The following TMED8 variants were observed in gnomAD, a reference collection of about 807,000 sequenced individuals.
TMED8 encodes transmembrane p24 trafficking protein family member 8.
Under a neutral mutation model 32.7 loss-of-function variants are expected in TMED8, and 15 were observed. That is an observed-to-expected ratio of 0.46 (90% CI 0.31 to 0.71). TMED8 has a LOEUF of 0.71. TMED8 is among the 30% of genes least tolerant of loss of function. TMED8 has a pLI of 0.06. For missense variants in TMED8, 390 were observed against 423.9 expected (o/e 0.92, Z 0.70); for synonymous variants, 147 against 161.4 (o/e 0.91, Z 0.68).
chr14:77,342,670 C>T (rs747554277), intron 5 of TMED8, among the ~76,000 whole-genome samples: 10 of 152,248 alleles, frequency 6.6e-5, no homozygotes, highest in African/African-American at 1.4e-4. Context: ...AAATAACAGC[C>T]GGAATGGAGC....
intron 1 of TMED8, among the ~76,000 whole-genome samples, chr14:77,361,968 T>C (rs1893448092): frequency 6.6e-6 from 1 of 152,220 alleles, no homozygotes; most frequent in Non-Finnish European, 1.5e-5. Context: ...TTATTAAGTA[T>C]TCTTTATGCT....
chr14:77,346,979 CATTGTT>C (rs1013365792), intron 2 of TMED8, among the ~76,000 whole-genome samples: 2 of 152,002 alleles, frequency 1.3e-5, no homozygotes, highest in Non-Finnish European at 2.9e-5. Context: ...TTCAAGTATA[CATTGTT>C]ATTAACTATT....
rs1372158193 is a variant in TMED8 at position 77,346,293 on chromosome 14, T to A, written c.327+56A>T. ...CTTTCTAATTCCAACCCAACCACTA[T>A]GTGTCCACATTCTGGTGCCTCCTTT... On this transcript the variant is annotated intron_variant, in intron 3 of 5. Transcript: ENST00000216468. The A allele has an allele frequency of 1.9e-6, 3 of 1,590,698 alleles. No homozygotes were observed. In the East Asian group the frequency reaches 6.7e-5, roughly 36 times the overall value.
intron 1 of TMED8, among the ~76,000 whole-genome samples, chr14:77,372,910 A>G (rs1324240630): frequency 1.0e-4 from 1 of 9,922 alleles, no homozygotes; most frequent in African/African-American, 5.3e-4. Flanking sequence ...CAGATATTAT[A>G]TATATATATA....
Position 77,377,094 on chromosome 14 carries a change from T to G in TMED8, c.-41A>C. 1 of 1,275,610 alleles carries G rather than the reference T, an allele frequency of 7.8e-7. No individual in the cohort carries two copies. The highest frequency in any genetic ancestry group is 1.0e-6 in the Non-Finnish European group (1 of 987,576). 79.0% of individuals were successfully genotyped at this position (1,275,610 alleles called of 1,614,324 possible). Reference sequence around the variant, plus strand: ...GGAGCTCTCCGCTGCCAGCCGCGAGTGGCTCCGGAAACAGCCGAAGGCCGA... The same window carrying G: ...GGAGCTCTCCGCTGCCAGCCGCGAGGGGCTCCGGAAACAGCCGAAGGCCGA... On this transcript the variant is annotated 5_prime_UTR_variant, in exon 1 of 6. Transcript: ENST00000216468.
chr14:77,345,382 A>G (rs1280049067), intron 3 of TMED8, among the ~76,000 whole-genome samples: 1 of 152,186 alleles, frequency 6.6e-6, no homozygotes, highest in East Asian at 1.9e-4. Flanking sequence ...ATGCTTGTAA[A>G]CTGTAAAGTA....
At chr14:77,353,228 A>G (rs1893218291) in intron 1 of TMED8, among the ~76,000 whole-genome samples, 1 of 152,190 alleles carries the variant, frequency 6.6e-6, no homozygotes, top group African/African-American at 2.4e-5. Flanking sequence ...ACAGCCCCTC[A>G]TTAAACTCCC....
chr14:77,375,225 AT>A (rs1893784716), intron 1 of TMED8, among the ~76,000 whole-genome samples: 1 of 152,130 alleles, frequency 6.6e-6, no homozygotes, highest in Non-Finnish European at 1.5e-5. Flanking sequence ...CCTACATGAC[AT>A]TAAAAAAAAA....
At chr14:77,346,798 CTTTTA>C (rs1385811620) in intron 2 of TMED8, among the ~76,000 whole-genome samples, 13 of 35,584 alleles carry the variant, frequency 3.7e-4, no homozygotes, top group South Asian at 2.1e-3. Flanking sequence ...ATTGTTGTTT[CTTTTA>C]TTTATTTATT....
chr14:77,345,608 C>T (rs946891761), intron 3 of TMED8, among the ~76,000 whole-genome samples: 3 of 144,184 alleles, frequency 2.1e-5, no homozygotes, highest in African/African-American at 5.1e-5. Flanking sequence ...TGCAGTGAGC[C>T]ATGACTGCAC....
chr14:77,345,934 A>G (rs1039563797), intron 3 of TMED8, among the ~76,000 whole-genome samples: 1 of 140,590 alleles, frequency 7.1e-6, no homozygotes, highest in South Asian at 2.4e-4. Context: ...GTGCCACTGC[A>G]CTCCAGCCTG....
chr14:77,343,277 A>G lies in TMED8; in HGVS notation c.661T>C (p.Phe221Leu). The G allele has an allele frequency of 6.2e-7, 1 of 1,614,160 alleles. No individual in the cohort carries two copies. Among genetic ancestry groups the G allele is most frequent in the South Asian group, 1.1e-5 (1 of 91,074 alleles). ...GTGCTAGTTACAGGGGTCCAGTCAA[A>G]ATAAACTCCAAAGCCAATGTCATAG... is the stretch of plus-strand genomic sequence containing the variant. ...DDYDIGFGVY[F>L]DWTPVTSTDI... is the part of the protein sequence containing the mutation. Residue 221 changes from phenylalanine to leucine, a missense_variant, in exon 5 of 6, where the codon TTT (phenylalanine) becomes CTT (leucine). Physicochemically the swap from Phe to Leu is conservative, Grantham distance 22. Transcript: ENST00000216468.
rs1486447024 is a variant in TMED8 at position 77,376,523 on chromosome 14, T to C, written c.118+413A>G. ...GTAAGGCTGGGGCAGGGGACTGAGA[T>C]GGGGATAGGGTGGGGAGCCAGAAGC... On this transcript the variant is annotated intron_variant, in intron 1 of 5. Coordinates refer to ENST00000216468, the MANE Select transcript of TMED8 (RefSeq NM_213601.3). This position sits in a 1 kb window ranked among gnomAD's most constrained non-coding sequence, Gnocchi z 4.0. Among the ~76,000 whole-genome samples, 1 of 148,800 alleles carries C rather than the reference T, an allele frequency of 6.7e-6. No homozygotes were observed. Among genetic ancestry groups the C allele is most frequent in the South Asian group, 2.2e-4 (1 of 4,636 alleles).
rs1015673659 is a variant in TMED8, at chr14:77,340,394, A to T, written c.*1377T>A. 2 of 151,676 alleles carry T rather than the reference A, an allele frequency of 1.3e-5. No individual in the cohort carries two copies. The highest frequency in any genetic ancestry group is 1.3e-4 in the Admixed American group (2 of 15,256). The allele number at this position is 151,676 out of a possible 1,614,324, so 9.4% of individuals were successfully genotyped here. ...GCAAAATGAAATGTGCTAAAAAAATAAATACAGTAATAAATAAATCTAATT... is the reference window on the plus strand; with the variant it reads ...GCAAAATGAAATGTGCTAAAAAAATTAATACAGTAATAAATAAATCTAATT... On this transcript the variant is annotated 3_prime_UTR_variant, in exon 6 of 6. Coordinates refer to ENST00000216468, the MANE Select transcript of TMED8 (RefSeq NM_213601.3).
rs1892968851 is a variant in TMED8, at chr14:77,343,816, T to A, written c.335A>T (p.Lys112Met). The A allele has an allele frequency of 6.2e-7, 1 of 1,613,518 alleles. No individual in the cohort carries two copies. The highest frequency in any genetic ancestry group is 8.5e-7 in the Non-Finnish European group (1 of 1,179,642). The change falls in exon 4 of 6, where the codon AAG (lysine) becomes ATG (methionine). Residue 112 changes from lysine (K) to methionine (M), a missense_variant. Coordinates refer to ENST00000216468, the MANE Select transcript of TMED8 (RefSeq NM_213601.3). ...CCCAGACCTCTGTGGAACTTGATAC[T>A]TAGCCATCTGCACAACAGAACTCTG... ...DQAQVLNEMA[K>M]YQVPQRSGDI...
intron 1 of TMED8, among the ~76,000 whole-genome samples, chr14:77,373,357 T>A (rs1158192242): frequency 6.6e-6 from 1 of 151,638 alleles, no homozygotes; most frequent in Non-Finnish European, 1.5e-5. Flanking sequence ...ATGCAACAAG[T>A]ATGCCTCAGA....
intron 1 of TMED8, among the ~76,000 whole-genome samples, chr14:77,372,004 C>A (rs1190313572): frequency 2.0e-5 from 3 of 152,002 alleles, no homozygotes; most frequent in Non-Finnish European, 4.4e-5. Context: ...ATCAAAATGT[C>A]AATTAAATGT....
At chr14:77,375,705 A>G (rs4903575) in intron 1 of TMED8, among the ~76,000 whole-genome samples, 56,111 of 152,102 alleles carry the variant, frequency 0.37, 10,690 homozygotes, top group Middle Eastern at 0.45. Flanking sequence ...ACTTGGGATC[A>G]GAGTAGAAGA....
chr14:77,343,328 C>T lies in TMED8; in HGVS notation c.610G>A (p.Val204Ile). The T allele has an allele frequency of 5.0e-6, 8 of 1,614,192 alleles. No individual in the cohort carries two copies. The highest frequency in any genetic ancestry group is 6.8e-6 in the Non-Finnish European group (8 of 1,180,036). ...RVPTHPEGKRVCWEFATDDYD... is the reference protein window; with the variant it reads ...RVPTHPEGKRICWEFATDDYD... ...TCATCGGTCGCAAACTCCCAGCAGA[C>T]ACGCTTCCCCTCTGGATGAGTAGGT... The change falls in exon 5 of 6, where the codon GTC becomes ATC. Residue 204 changes from valine to isoleucine, a missense_variant. Physicochemically the swap from Val to Ile is conservative, Grantham distance 29. Coordinates refer to ENST00000216468, the MANE Select transcript of TMED8 (RefSeq NM_213601.3).
Sources: gnomAD v4.1 joint callset for allele counts (sites outside exome capture counted in the v4.1 genomes callset) on GRCh38, gnomAD v4.1.1 for gene constraint, Gnocchi (gnomAD v3.1) non-coding constraint, MANE v1.5 for transcripts, NCBI Gene and HGNC (gene_info 2026-07-23, HGNC 2026-07-21) for gene names.